Variants in CFAP54 observed in about 807,000 individuals in gnomAD.
CFAP54 encodes the protein cilia and flagella associated protein 54.
Under a neutral mutation model 370.4 loss-of-function variants are expected in CFAP54, and 290 were observed. The observed-to-expected ratio is 0.78, with a 90% CI of 0.71 to 0.86. The LOEUF (loss-of-function observed/expected upper bound fraction) is 0.86, where lower values mean the gene tolerates loss of function less well. Ranked by LOEUF, CFAP54 falls within the 40% of genes least tolerant of loss-of-function variation. CFAP54 has a pLI of 0.00. For synonymous variants in CFAP54, 1,206 were observed against 1,236.5 expected (o/e 0.98, Z 0.52); for missense variants, 3,399 against 3,528.7 (o/e 0.96, Z 0.93).
chr12:96,631,544 C>G (rs1359024818), intron 32 of CFAP54, among the ~76,000 whole-genome samples: 3 of 151,114 alleles, frequency 2.0e-5, no homozygotes, highest in African/African-American at 7.3e-5. Flanking sequence ...CGTAAGTCTA[C>G]TTTATTAATT....
At chr12:96,547,732 T>A (rs1341343394) in intron 14 of CFAP54, among the ~76,000 whole-genome samples, 170 bp from the exon 15 acceptor site, 1 of 152,160 alleles carries the variant, frequency 6.6e-6, no homozygotes, top group Non-Finnish European at 1.5e-5. Flanking sequence ...CACTGCTATA[T>A]TTCCATTTTT....
chr12:96,716,377 A>G (rs1040874323), intron 48 of CFAP54, among the ~76,000 whole-genome samples: 1 of 152,234 alleles, frequency 6.6e-6, no homozygotes, highest in Non-Finnish European at 1.5e-5. Context: ...CATTGAAAGG[A>G]TCTGCATTTT....
chr12:96,645,981 T>C (rs1215022141), intron 33 of CFAP54: 3 of 152,116 alleles, frequency 2.0e-5, no homozygotes, highest in Admixed American at 2.0e-4. Flanking sequence ...ATTTTAGACC[T>C]AAAACCATAA....
At position 96,742,516 on chromosome 12, in the gene CFAP54, GTGGT is replaced by G; in HGVS notation, c.7152_7155del (p.Trp2384Ter). 3.1e-6 allele frequency: 5 copies of G among 1,613,236 alleles called. No individual in the cohort carries two copies. The highest frequency in any genetic ancestry group is 4.2e-6 in the Non-Finnish European group (5 of 1,179,596). On this transcript the variant is annotated frameshift_variant, in exon 52 of 68. Transcript: ENST00000524981. LOFTEE classifies it high-confidence loss of function. The stretch of plus-strand genomic sequence containing the variant: ...CCCGAGAATATTTCAACATTCATCT[GTGGT>G]TGAGGTGCCGCTTAGCATTGGTGAC...
chr12:96,664,783 A>ATATCTATATC (rs1565934522), intron 39 of CFAP54, among the ~76,000 whole-genome samples: 168 of 14,722 alleles, frequency 0.011, 4 homozygotes, highest in Non-Finnish European at 0.018. Flanking sequence ...ATATCTATAT[A>ATATCTATATC]TATATATATA....
chr12:96,500,964 C>A, intron 2 of CFAP54, 25 bp downstream of exon 2: 1 of 1,377,046 alleles, frequency 7.3e-7, no homozygotes, highest in Non-Finnish European at 9.9e-7. Flanking sequence ...AGGAAAGAGC[C>A]AAAAAGAAGT....
At chr12:96,600,995 T>A (rs544141858) in intron 26 of CFAP54, among the ~76,000 whole-genome samples, 3 of 152,326 alleles carry the variant, frequency 2.0e-5, no homozygotes, top group African/African-American at 4.8e-5. Flanking sequence ...TCCAATACTA[T>A]GTTGAATAGG....
At chr12:96,716,541 A>G (rs1379142509) in intron 48 of CFAP54, among the ~76,000 whole-genome samples, 1 of 152,194 alleles carries the variant, frequency 6.6e-6, no homozygotes, top group Non-Finnish European at 1.5e-5. Context: ...CCCCTGTAGA[A>G]GTCAGGCTAA....
chr12:96,527,127 G>C, intron 8 of CFAP54, 119 bp from the exon 9 acceptor site: 1 of 865,750 alleles, frequency 1.2e-6, no homozygotes, highest in East Asian at 2.8e-5. Context: ...GAACTCCTTG[G>C]GTCAAGCAAT....
intron 3 of CFAP54, among the ~76,000 whole-genome samples, 183 bp downstream of exon 3, chr12:96,504,212 C>A (rs1955064485): frequency 6.6e-6 from 1 of 152,180 alleles, no homozygotes; most frequent in Non-Finnish European, 1.5e-5. Flanking sequence ...TGTAAGGATG[C>A]TTTGGAGATT....
intron 51 of CFAP54, among the ~76,000 whole-genome samples, chr12:96,740,432 C>T (rs940729961): frequency 2.6e-5 from 4 of 152,218 alleles, no homozygotes; most frequent in African/African-American, 9.6e-5. Flanking sequence ...TTAGCATTGC[C>T]AGTCAGATAC....
chr12:96,836,438 A>G (rs73383065), intron 66 of CFAP54, among the ~76,000 whole-genome samples: 4,674 of 152,262 alleles, frequency 0.031, 244 homozygotes, highest in African/African-American at 0.1. Flanking sequence ...ATGGAGTTGA[A>G]AATGCCAATA....
chr12:96,592,546 G>GA lies in CFAP54; in HGVS notation c.3272dup (p.Asn1091LysfsTer7). 1 of 1,111,378 alleles carries GA rather than the reference G, an allele frequency of 9.0e-7. No individual in the cohort carries two copies. 68.8% of individuals were successfully genotyped at this position (1,111,378 alleles called of 1,614,324 possible). A position where few individuals can be genotyped will look rare whatever the true frequency, so the allele number is the denominator to read the frequency against. On this transcript the variant is annotated frameshift_variant, in exon 24 of 68. Coordinates refer to ENST00000524981, the MANE Select transcript of CFAP54 (RefSeq NM_001306084.2). LOFTEE classifies it high-confidence loss of function. Reference sequence around the variant, plus strand: ...TCAATCCTCTTGTACCTTTTTCTTAGAAATATTTTTGTAACAAGTGACATC... The same window carrying GA: ...TCAATCCTCTTGTACCTTTTTCTTAGAAAATATTTTTGTAACAAGTGACATC...
At chr12:96,761,930 A>G (rs1055568684) in intron 58 of CFAP54, among the ~76,000 whole-genome samples, 2 of 152,100 alleles carry the variant, frequency 1.3e-5, no homozygotes, top group African/African-American at 4.8e-5. Flanking sequence ...TGTTCCAACT[A>G]TATTCTTCCT....
chr12:96,827,076 A>ATATGTGATTATATATAATATGCAATTT lies in CFAP54; in HGVS notation c.9097-1920_9097-1919insATGCAATTTTATGTGATTATATATAAT, dbSNP rs1565994040. Among the ~76,000 whole-genome samples the ATATGTGATTATATATAATATGCAATTT allele has an allele frequency of 3.5e-3, 464 of 133,512 alleles. 15 individuals carry two copies. Among genetic ancestry groups the ATATGTGATTATATATAATATGCAATTT allele is most frequent in the African/African-American group, 0.012 (438 of 35,360 alleles). 87.6% of individuals were successfully genotyped at this position (133,512 alleles called of 152,430 possible). On this transcript the variant is annotated intron_variant, in intron 65 of 67. Transcript: ENST00000524981. ...ATGTGATTATATATAATATGCAATT[A>ATATGTGATTATATATAATATGCAATTT]TATGTGATTATATATAATGTGCAAT...
chr12:96,604,085 T>C (rs1956274539), intron 26 of CFAP54, among the ~76,000 whole-genome samples: 1 of 152,250 alleles, frequency 6.6e-6, no homozygotes, highest in Non-Finnish European at 1.5e-5. Context: ...TCCCCATCTT[T>C]GTGGTTTTAT....
At chr12:96,613,359 C>T (rs988404278) in intron 26 of CFAP54, among the ~76,000 whole-genome samples, 7 of 152,292 alleles carry the variant, frequency 4.6e-5, no homozygotes, top group Non-Finnish European at 7.4e-5. Flanking sequence ...CTCTGGGACA[C>T]ATTTAAGGCA....
At chr12:96,687,053 G>A (rs899476071) in intron 42 of CFAP54, among the ~76,000 whole-genome samples, 20 of 151,966 alleles carry the variant, frequency 1.3e-4, no homozygotes, top group African/African-American at 4.8e-4. Context: ...GCATTCCTTG[G>A]CGCATGGCCC....
intron 50 of CFAP54, among the ~76,000 whole-genome samples, chr12:96,724,871 T>A (rs1243445723): frequency 6.6e-6 from 1 of 152,212 alleles, no homozygotes; most frequent in African/African-American, 2.4e-5. Flanking sequence ...AAGGAAGGGA[T>A]CCAGTTTCAG....
Sources: allele counts gnomAD v4.1 joint callset (sites outside exome capture counted in the v4.1 genomes callset), GRCh38; gene constraint gnomAD v4.1.1; transcripts MANE v1.5; gene names NCBI Gene and HGNC (gene_info 2026-07-23, HGNC 2026-07-21).